The following CHODL variants were observed in gnomAD, a reference collection of about 807,000 sequenced individuals.
CHODL encodes the protein transmembrane protein MT75.
In CHODL, 29 loss-of-function variants were observed where a neutral mutation model predicts 34.5. That is an observed-to-expected ratio of 0.84 (90% CI 0.63 to 1.15). The LOEUF is 1.15. CHODL is among the 50% of genes most tolerant of loss of function. CHODL has a pLI of 0.00. For missense variants in CHODL, 332 were observed against 332.5 expected, an observed-to-expected ratio of 1.00 and a Z score of 0.01; for synonymous variants, 125 against 116.1, an observed-to-expected ratio of 1.08 and a Z score of -0.49.
At chr21:18,042,275 C>T (rs1209915148) in intron 2 of CHODL, among the ~76,000 whole-genome samples, 1 of 151,570 alleles carries the variant, frequency 6.6e-6, no homozygotes, top group African/African-American at 2.4e-5. Flanking sequence ...ATGAATGGAC[C>T]CCCTTCTCCC....
intron 2 of CHODL, among the ~76,000 whole-genome samples, chr21:18,115,328 C>T (rs1279382762): frequency 2.6e-5 from 4 of 152,286 alleles, no homozygotes; most frequent in African/African-American, 9.6e-5. Context: ...TCAAAGGCTG[C>T]TTATTTTTGC....
At chr21:17,986,342 G>A (rs1389653444) in intron 1 of CHODL, among the ~76,000 whole-genome samples, 2 of 147,772 alleles carry the variant, frequency 1.4e-5, no homozygotes, top group Non-Finnish European at 3.0e-5. Flanking sequence ...AGGCCCTGGT[G>A]TGTGATGTTC....
chr21:18,031,541 T>G (rs969574136), intron 2 of CHODL, among the ~76,000 whole-genome samples: 3 of 151,916 alleles, frequency 2.0e-5, no homozygotes, highest in Middle Eastern at 3.2e-3. Flanking sequence ...TAGATTTTTT[T>G]GGGGGGGAGA....
intron 2 of CHODL, among the ~76,000 whole-genome samples, chr21:18,088,531 G>T (rs1468394995): frequency 1.3e-5 from 2 of 152,210 alleles, no homozygotes; most frequent in East Asian, 1.9e-4. Flanking sequence ...GGTTTTTCTT[G>T]TACCCAAGAT....
intron 2 of CHODL, among the ~76,000 whole-genome samples, chr21:18,202,765 G>A (rs979135412): frequency 2.0e-5 from 3 of 152,156 alleles, no homozygotes; most frequent in African/African-American, 7.2e-5. Context: ...CAAATGAACT[G>A]AAGACAATGG....
intron 2 of CHODL, among the ~76,000 whole-genome samples, chr21:18,064,738 ACTCT>A (rs1198377971): frequency 6.6e-6 from 1 of 151,554 alleles, no homozygotes; most frequent in East Asian, 1.9e-4. Context: ...AATTCCTTAT[ACTCT>A]CTCTCTCCGC....
chr21:18,170,803 A>G (rs2073218378), intron 2 of CHODL, among the ~76,000 whole-genome samples: 2 of 152,174 alleles, frequency 1.3e-5, no homozygotes, highest in African/African-American at 4.8e-5. Flanking sequence ...GAAGAAAATA[A>G]TTACAAACAA....
intron 2 of CHODL, among the ~76,000 whole-genome samples, chr21:18,090,861 C>A (rs2065064979): frequency 6.6e-6 from 1 of 152,084 alleles, no homozygotes; most frequent in Non-Finnish European, 1.5e-5. Flanking sequence ...TATCTGCACA[C>A]AGTAAAGCAC....
chr21:18,127,153 G>C (rs2065555935), intron 2 of CHODL, among the ~76,000 whole-genome samples: 1 of 151,982 alleles, frequency 6.6e-6, no homozygotes, highest in Non-Finnish European at 1.5e-5. Flanking sequence ...GGGAAAGAGA[G>C]AATGAGGAAT....
chr21:18,235,219 T>C (rs1568948402), intron 2 of CHODL, among the ~76,000 whole-genome samples: 1 of 152,066 alleles, frequency 6.6e-6, no homozygotes, highest in Non-Finnish European at 1.5e-5. Context: ...AAATTTGTTC[T>C]GTAGTCTAGA....
At chr21:18,016,350 G>A (rs542923921) in intron 1 of CHODL, among the ~76,000 whole-genome samples, 2 of 152,338 alleles carry the variant, frequency 1.3e-5, no homozygotes, top group East Asian at 3.9e-4. Flanking sequence ...AAGCCTTGGT[G>A]GCTTCCATGT....
chr21:18,004,372 C>T (rs1478067311), intron 1 of CHODL, among the ~76,000 whole-genome samples: 1 of 152,212 alleles, frequency 6.6e-6, no homozygotes, highest in African/African-American at 2.4e-5. Context: ...GCATACTGTA[C>T]TTATACTACA....
At chr21:18,228,045 T>C (rs902902150) in intron 2 of CHODL, among the ~76,000 whole-genome samples, 30 of 152,210 alleles carry the variant, frequency 2.0e-4, no homozygotes, top group African/African-American at 5.8e-4. Context: ...GGAACCAACC[T>C]AGCCATTTGT....
rs71318127 is a variant in CHODL, at chr21:18,127,672, G to GTTTTTTTTT, written c.-45+99722_-45+99730dup. On this transcript the variant is annotated intron_variant, in intron 2 of 6. Coordinates refer to the CHODL transcript ENST00000400127. ...TTACATAACCAGTTGCGTTGCCATT[G>GTTTTTTTTT]TTTTTTTTTTTTTTTTTTTTTTTTT... Among the ~76,000 whole-genome samples, 264 of 70,028 alleles carry GTTTTTTTTT rather than the reference G, an allele frequency of 3.8e-3. 30 individuals carry two copies. Among genetic ancestry groups the GTTTTTTTTT allele is most frequent in the Middle Eastern group, 0.012 (1 of 84 alleles). The allele number at this position is 70,028 out of a possible 152,430, so 45.9% of individuals were successfully genotyped here. A position where few individuals can be genotyped will look rare whatever the true frequency, so the allele number is the denominator to read the frequency against.
At chr21:18,097,055 A>G (rs1449762162) in intron 2 of CHODL, among the ~76,000 whole-genome samples, 2 of 152,182 alleles carry the variant, frequency 1.3e-5, no homozygotes, top group Non-Finnish European at 2.9e-5. Context: ...AAAATTGGGT[A>G]TAGAAGGAAT....
At chr21:18,094,347 A>G (rs1224246794) in intron 2 of CHODL, among the ~76,000 whole-genome samples, 3 of 152,208 alleles carry the variant, frequency 2.0e-5, no homozygotes, top group Non-Finnish European at 4.4e-5. Flanking sequence ...CTTAATCTGC[A>G]CTATAGAACA....
intron 1 of CHODL, among the ~76,000 whole-genome samples, chr21:17,973,937 G>A (rs2063640261): frequency 6.6e-6 from 1 of 152,044 alleles, no homozygotes; most frequent in Non-Finnish European, 1.5e-5. Context: ...TCAAATAAAT[G>A]TATGTACTGG....
rs2074120312 is a variant in CHODL at position 18,245,044 on chromosome 21, C to T, written c.-180C>T. 4.0e-6 allele frequency: 2 copies of T among 503,224 alleles called. No individual in the cohort carries two copies. The highest frequency in any genetic ancestry group is 6.6e-5 in the South Asian group (2 of 30,304). The allele number at this position is 503,224 out of a possible 1,614,324, so 31.2% of individuals were successfully genotyped here. ...CGCACATCCACGCGCGGCACAGGCG[C>T]GGCAGGCGGCAGGTCCCGGCCGAAG... is the stretch of plus-strand genomic sequence containing the variant. On this transcript the variant is annotated 5_prime_UTR_variant, in exon 1 of 6. Transcript: ENST00000299295.
chr21:18,022,396 G>A (rs982925613), intron 1 of CHODL: 1 of 152,058 alleles, frequency 6.6e-6, no homozygotes, highest in Non-Finnish European at 1.5e-5. Context: ...GGACACACTT[G>A]GATAATCCAG....
Sources: gnomAD v4.1 joint callset for allele counts (sites outside exome capture counted in the v4.1 genomes callset) on GRCh38, gnomAD v4.1.1 for gene constraint, MANE v1.5 for transcripts, NCBI Gene and HGNC (gene_info 2026-07-23, HGNC 2026-07-21) for gene names.